The following LRRC56 variants were observed in gnomAD, a reference collection of about 807,000 sequenced individuals.
LRRC56 encodes leucine rich repeat containing 56.
LRRC56 carries 41 observed loss-of-function variants against 47.8 expected under a neutral mutation model. The observed-to-expected ratio is 0.86, with a 90% CI of 0.67 to 1.11. The LOEUF is 1.11. Among genes scored for constraint, LRRC56 ranks in the 50% most tolerant of loss-of-function variants. LRRC56 has a pLI of 0.00. For missense variants in LRRC56, 759 were observed against 704.2 expected, an observed-to-expected ratio of 1.08 and a Z score of -0.88; for synonymous variants, 387 against 311.2, an observed-to-expected ratio of 1.24 and a Z score of -2.56.
the LRRC56 span, among the ~76,000 whole-genome samples, chr11:532,064 G>A: frequency 6.6e-6 from 1 of 152,216 alleles, no homozygotes; most frequent in Admixed American, 6.5e-5. Flanking sequence ...GCCAGAAGCC[G>A]TGGACACTGG....
upstream of LRRC56, chr11:533,811 A>AAC: frequency 6.2e-7 from 1 of 1,613,332 alleles, no homozygotes; most frequent in South Asian, 1.1e-5. Flanking sequence ...GTTGATGGCA[A>AAC]ACACACACAG....
intron 5 of LRRC56, among the ~76,000 whole-genome samples, chr11:543,257 C>T (rs929400762): frequency 1.4e-4 from 21 of 151,786 alleles, no homozygotes; most frequent in Non-Finnish European, 1.0e-4. Context: ...TCTTGTTGCC[C>T]AGGCTGGAGT....
At chr11:518,562 A>T in the LRRC56 span, among the ~76,000 whole-genome samples, 3 of 151,846 alleles carry the variant, frequency 2.0e-5, no homozygotes, top group Non-Finnish European at 4.4e-5. Flanking sequence ...TGACTTCGTG[A>T]TCCGGCCGCC....
chr11:520,611 G>A, the LRRC56 span, among the ~76,000 whole-genome samples: 1 of 152,036 alleles, frequency 6.6e-6, no homozygotes, highest in Non-Finnish European at 1.5e-5. Context: ...GAGCCACCGC[G>A]CCCGGCCTAG....
rs887064260 is a variant in LRRC56 at position 550,803 on chromosome 11, G to T, written c.625-328G>T. On this transcript the variant is annotated intron_variant, in intron 8 of 13. Coordinates refer to ENST00000270115, the MANE Select transcript of LRRC56 (RefSeq NM_198075.4). Reference sequence around the variant, plus strand: ...CTGCTTGGTGCTGCCACATGCTGAGGTCAGCGTCTACCAGTGCCCAGTAGC... The same window carrying T: ...CTGCTTGGTGCTGCCACATGCTGAGTTCAGCGTCTACCAGTGCCCAGTAGC... 2.6e-5 allele frequency among the ~76,000 whole-genome samples: 4 copies of T among 152,134 alleles called. No homozygotes were observed. In the East Asian group the frequency reaches 7.7e-4, roughly 29 times the overall value.
chr11:546,517 A>G (rs915678770), intron 6 of LRRC56, among the ~76,000 whole-genome samples: 35 of 152,108 alleles, frequency 2.3e-4, no homozygotes, highest in African/African-American at 5.1e-4. Flanking sequence ...GCAGTGAGCC[A>G]AGATCGCACC....
the LRRC56 span, among the ~76,000 whole-genome samples, chr11:510,211 G>C: frequency 2.0e-5 from 3 of 152,214 alleles, no homozygotes; most frequent in Non-Finnish European, 4.4e-5. Flanking sequence ...ATGCCATCTA[G>C]AGAAAACACC....
upstream of LRRC56, chr11:533,603 G>A (rs2133987967): frequency 6.2e-7 from 1 of 1,613,838 alleles, no homozygotes; most frequent in Non-Finnish European, 8.5e-7. Context: ...TCACCCGTTT[G>A]ATCTGCTCCC....
At chr11:522,555 C>T in the LRRC56 span, among the ~76,000 whole-genome samples, 2 of 152,122 alleles carry the variant, frequency 1.3e-5, no homozygotes, top group Admixed American at 6.6e-5. Flanking sequence ...CGTGAGCCAC[C>T]GCACCTGGCC....
the LRRC56 span, among the ~76,000 whole-genome samples, chr11:521,498 G>A: frequency 2.0e-5 from 3 of 152,082 alleles, no homozygotes; most frequent in Admixed American, 1.3e-4. Context: ...TGGCAGGGAC[G>A]GGATTTTGCC....
At chr11:546,625 G>T (rs899949578) in intron 6 of LRRC56, among the ~76,000 whole-genome samples, 4 of 152,084 alleles carry the variant, frequency 2.6e-5, no homozygotes, top group African/African-American at 9.7e-5. Flanking sequence ...AACACTTTGG[G>T]GTCAAAGACA....
the LRRC56 span, among the ~76,000 whole-genome samples, chr11:507,476 G>A: frequency 6.6e-6 from 1 of 152,198 alleles, no homozygotes; most frequent in Admixed American, 6.5e-5. Flanking sequence ...GCCGGGGGCG[G>A]GGTCTGGCGG....
chr11:551,797 C>T lies in LRRC56; in HGVS notation c.943C>T (p.Pro315Ser). Residue 315 changes from proline (P) to serine (S), a missense_variant, in exon 10 of 14, where the codon CCA becomes TCA. Coordinates refer to ENST00000270115, the MANE Select transcript of LRRC56 (RefSeq NM_198075.4). ...AGGCCTGCTTTCTGAGGACCTGGCCCCAGAAGATAACACCAGCAGCCTCAC... is the reference window on the plus strand; with the variant it reads ...AGGCCTGCTTTCTGAGGACCTGGCCTCAGAAGATAACACCAGCAGCCTCAC... ...PEGLLSEDLA[P>S]EDNTSSLTHG... is the part of the protein sequence containing the mutation. 1 of 1,608,780 alleles carries T rather than the reference C, an allele frequency of 6.2e-7. No homozygotes were observed.
At chr11:545,555 G>A (rs867816127) in intron 6 of LRRC56, among the ~76,000 whole-genome samples, 3 of 149,646 alleles carry the variant, frequency 2.0e-5, no homozygotes, top group Admixed American at 1.3e-4. Context: ...TACAGAACCC[G>A]GACCAGACGG....
rs902264107 is a variant in LRRC56, at chr11:554,732, G to T, written c.*456G>T. The T allele has an allele frequency of 5.3e-4, 246 of 460,158 alleles. 2 individuals carry two copies. The highest frequency in any genetic ancestry group is 4.7e-4 in the Admixed American group (11 of 23,502). The allele number at this position is 460,158 out of a possible 1,614,324, so 28.5% of individuals were successfully genotyped here. Reference sequence around the variant, plus strand: ...AGCTGCTCGCCTGAGGCCGCCGGGGGTGCGGTCCAGGCCTCCCGTCTCCGG... The same window carrying T: ...AGCTGCTCGCCTGAGGCCGCCGGGGTTGCGGTCCAGGCCTCCCGTCTCCGG... On this transcript the variant is annotated 3_prime_UTR_variant, in exon 14 of 14. Transcript: ENST00000270115.
At chr11:516,380 G>A in the LRRC56 span, among the ~76,000 whole-genome samples, 1,236 of 151,470 alleles carry the variant, frequency 8.2e-3, 9 homozygotes, top group South Asian at 0.021. Flanking sequence ...GTGACAGAGC[G>A]AGCCTCCATC....
At chr11:512,149 G>A in the LRRC56 span, among the ~76,000 whole-genome samples, 1 of 152,006 alleles carries the variant, frequency 6.6e-6, no homozygotes, top group East Asian at 1.9e-4. Flanking sequence ...TCACCACGTT[G>A]GACAGGCTGG....
At chr11:552,269 T>C (rs762048990) in intron 12 of LRRC56, 37 bp downstream of exon 12, 1 of 1,580,252 alleles carries the variant, frequency 6.3e-7, no homozygotes, top group Admixed American at 1.7e-5. Flanking sequence ...GGGTGTGTCC[T>C]GTCCCGTGGG....
the LRRC56 span, among the ~76,000 whole-genome samples, chr11:518,500 T>G: frequency 8.9e-4 from 136 of 152,238 alleles, no homozygotes; most frequent in Non-Finnish European, 1.4e-3. Context: ...AAATTTTTTT[T>G]GTATTGTTGG....
Sources: gnomAD v4.1 joint callset for allele counts (sites outside exome capture counted in the v4.1 genomes callset) on GRCh38, gnomAD v4.1.1 for gene constraint, MANE v1.5 for transcripts, NCBI Gene and HGNC (gene_info 2026-07-23, HGNC 2026-07-21) for gene names.